ST6GAL2: variants seen among roughly 807,000 people sequenced by gnomAD.
ST6GAL2 encodes the protein beta-galactoside alpha-2,6-sialyltransferase 2.
In ST6GAL2, 24 loss-of-function variants were observed where a neutral mutation model predicts 37.5. The ratio of observed to expected loss-of-function variants is 0.64; its 90% CI spans 0.46 to 0.90. The LOEUF (loss-of-function observed/expected upper bound fraction) is 0.90, where lower values mean the gene tolerates loss of function less well. ST6GAL2 is among the 40% of genes least tolerant of loss of function. The probability of loss-of-function intolerance (pLI) is 0.00; values close to 1 mark genes in which losing one functional copy is unlikely to be tolerated. For synonymous variants in ST6GAL2, 306 were observed against 295.1 expected (o/e 1.04, Z -0.38); for missense variants, 715 against 712.7 (o/e 1.00, Z -0.04).
chr2:106,830,029 G>GC (rs1676355089), intron 5 of ST6GAL2, 37 bp downstream of exon 5: 1 of 1,578,564 alleles, frequency 6.3e-7, no homozygotes, highest in Non-Finnish European at 8.7e-7. Flanking sequence ...CATCCTGTCT[G>GC]CCCCCCAATC....
At chr2:106,853,563 A>G (rs1265334658) in intron 1 of ST6GAL2, among the ~76,000 whole-genome samples, 1 of 152,220 alleles carries the variant, frequency 6.6e-6, no homozygotes, top group Non-Finnish European at 1.5e-5. Context: ...AGTGATTTCA[A>G]GCCAGTGGAA....
intron 5 of ST6GAL2, among the ~76,000 whole-genome samples, chr2:106,822,056 G>A (rs1014873577): frequency 6.6e-6 from 1 of 152,238 alleles, no homozygotes; most frequent in South Asian, 2.1e-4. Flanking sequence ...GTTTCATACT[G>A]AATGGAGAAA....
intron 1 of ST6GAL2, among the ~76,000 whole-genome samples, chr2:106,867,953 C>G (rs965931302): frequency 1.3e-5 from 2 of 152,118 alleles, no homozygotes; most frequent in African/African-American, 2.4e-5. Flanking sequence ...TAAGTCATCT[C>G]AAAGAATAAG....
upstream of ST6GAL2, chr2:106,886,532 C>T (rs1405519734): frequency 2.0e-5 from 3 of 151,750 alleles, no homozygotes; most frequent in Admixed American, 6.6e-5. Flanking sequence ...CGCTCAGCCC[C>T]GCGCTGCACG....
intron 1 of ST6GAL2, among the ~76,000 whole-genome samples, chr2:106,847,030 T>A (rs1677173056): frequency 6.6e-6 from 1 of 152,190 alleles, no homozygotes; most frequent in African/African-American, 2.4e-5. Context: ...CCTTTCACAG[T>A]AAGTTCTGAT....
At chr2:106,808,564 G>A (rs1675501081) in intron 5 of ST6GAL2, among the ~76,000 whole-genome samples, 1 of 152,026 alleles carries the variant, frequency 6.6e-6, no homozygotes, top group Admixed American at 6.6e-5. Flanking sequence ...CCCTCCCTTA[G>A]ATCAGCCTAA....
chr2:106,807,652 G>A (rs62155501), intron 5 of ST6GAL2, among the ~76,000 whole-genome samples: 5,382 of 131,654 alleles, frequency 0.041, 132 homozygotes, highest in Admixed American at 0.057. Flanking sequence ...TTTTTGAGAC[G>A]GAGTCTCACT....
At chr2:106,855,930 A>C (rs1227339121) in intron 1 of ST6GAL2, among the ~76,000 whole-genome samples, 2 of 152,208 alleles carry the variant, frequency 1.3e-5, no homozygotes, top group East Asian at 3.9e-4. Context: ...CAGTCAAGAC[A>C]AGAATTACTG....
chr2:106,843,440 G>T lies in ST6GAL2; in HGVS notation c.538C>A (p.Gln180Lys), dbSNP rs778688597. The change falls in exon 2 of 6, where the codon CAG (glutamine) becomes AAG (lysine). Residue 180 changes from glutamine (Q) to lysine (K), a missense_variant. Coordinates refer to ENST00000409382, the MANE Select transcript of ST6GAL2 (RefSeq NM_001142351.2). ...TCCTCCAACACGTGGCTCCTTCTCTGCCTCCGGTGCCTCTTCTTCACCCGC... is the reference window on the plus strand; with the variant it reads ...TCCTCCAACACGTGGCTCCTTCTCTTCCTCCGGTGCCTCTTCTTCACCCGC... ...RRRVKKRHRRQRRSHVLEEGD... is the reference protein window; with the variant it reads ...RRRVKKRHRRKRRSHVLEEGD... 14 of 1,613,982 alleles carry T rather than the reference G, an allele frequency of 8.7e-6. No homozygotes were observed. Among genetic ancestry groups the T allele is most frequent in the Admixed American group, 8.3e-5 (5 of 60,010 alleles).
chr2:106,832,875 A>G (rs1373318020), intron 3 of ST6GAL2, among the ~76,000 whole-genome samples: 4 of 152,142 alleles, frequency 2.6e-5, no homozygotes, highest in African/African-American at 9.7e-5. Context: ...AAAAAAAAGC[A>G]CAAGTTCTGA....
At chr2:106,819,463 G>T (rs2104437165) in intron 5 of ST6GAL2, among the ~76,000 whole-genome samples, 1 of 152,150 alleles carries the variant, frequency 6.6e-6, no homozygotes, top group Non-Finnish European at 1.5e-5. Flanking sequence ...TATTTAAAGT[G>T]CAGAAGGAAA....
intron 5 of ST6GAL2, among the ~76,000 whole-genome samples, chr2:106,812,080 AG>A (rs1461473909): frequency 2.0e-5 from 3 of 152,152 alleles, no homozygotes; most frequent in Admixed American, 6.5e-5. Flanking sequence ...TTAGGAAGTG[AG>A]GCCTTGGGAA....
At position 106,844,277 on chromosome 2, in the gene ST6GAL2, G is replaced by GACC. The variant is rs1222407657; in HGVS notation, c.-57-244_-57-243insGGT. ...TCTCACCATCTCAGGTGAGTCTTTG[G>GACC]AGAGAGGCGATGGATGGGTGTATAT... is the stretch of plus-strand genomic sequence containing the variant. On this transcript the variant is annotated intron_variant, in intron 1 of 5. Coordinates refer to ENST00000409382, the MANE Select transcript of ST6GAL2 (RefSeq NM_001142351.2). 3.3e-5 allele frequency among the ~76,000 whole-genome samples: 5 copies of GACC among 151,856 alleles called. No homozygotes were observed. The East Asian group carries it at 9.7e-4, about 30-fold the overall frequency.
intron 5 of ST6GAL2, among the ~76,000 whole-genome samples, chr2:106,807,662 T>C (rs1190200832): frequency 7.0e-6 from 1 of 143,490 alleles, no homozygotes; most frequent in African/African-American, 2.6e-5. Flanking sequence ...GGAGTCTCAC[T>C]GTGTTGCTCA....
chr2:106,823,442 A>AACACACACACACACACACACACACAC (rs60795605), intron 5 of ST6GAL2, among the ~76,000 whole-genome samples: 9 of 101,588 alleles, frequency 8.9e-5, no homozygotes, highest in East Asian at 2.4e-4. Context: ...CCCAGCAGAA[A>AACACACACACACACACACACACACAC]ACACACACAC....
At chr2:106,876,564 A>T (rs1056099277) in intron 1 of ST6GAL2, among the ~76,000 whole-genome samples, 4 of 152,124 alleles carry the variant, frequency 2.6e-5, no homozygotes, top group African/African-American at 7.2e-5. Flanking sequence ...AAACTAATCT[A>T]CTCTGATATA....
intron 5 of ST6GAL2, among the ~76,000 whole-genome samples, chr2:106,829,740 C>T (rs1445785419): frequency 1.3e-5 from 2 of 151,726 alleles, no homozygotes; most frequent in Non-Finnish European, 2.9e-5. Context: ...GTTAATGGCT[C>T]TTACTATACA....
rs151254943 is a variant in ST6GAL2, at chr2:106,856,495, G to A, written c.-57-12461C>T. Among the ~76,000 whole-genome samples the A allele has an allele frequency of 4.1e-3, 618 of 152,296 alleles. 12 individuals are homozygous for A. The highest frequency in any genetic ancestry group is 0.024 in the Middle Eastern group (7 of 292). On this transcript the variant is annotated intron_variant, in intron 1 of 5. Transcript: ENST00000409382. The stretch of plus-strand genomic sequence containing the variant: ...TACCCAAATTGTTGCTCATCTCCAG[G>A]ACAAAAGCTTCACCTGGCTTTTTCA...
intron 1 of ST6GAL2, among the ~76,000 whole-genome samples, chr2:106,855,274 G>A (rs895870564): frequency 1.3e-5 from 2 of 152,316 alleles, no homozygotes; most frequent in East Asian, 1.9e-4. Context: ...GTGCTTAGGG[G>A]CACCCATTCA....
Sources: gnomAD v4.1 joint callset for allele counts (sites outside exome capture counted in the v4.1 genomes callset) on GRCh38, gnomAD v4.1.1 for gene constraint, MANE v1.5 for transcripts, NCBI Gene and HGNC (gene_info 2026-07-23, HGNC 2026-07-21) for gene names.